The following SPDYE18 variants were observed in gnomAD, a reference collection of about 807,000 sequenced individuals.
The protein encoded by SPDYE18 is speedy protein E18.
SPDYE18 carries 6 observed loss-of-function variants against 44.9 expected under a neutral mutation model. The observed-to-expected ratio is 0.13, with a 90% CI of 0.07 to 0.26. The LOEUF is 0.26. Ranked by LOEUF, SPDYE18 falls within the 10% of genes least tolerant of loss-of-function variation. The pLI, the probability that SPDYE18 is intolerant of heterozygous loss-of-function variation, is 1.00. For missense variants in SPDYE18, 121 were observed against 463.2 expected (o/e 0.26, Z 6.78); for synonymous variants, 35 against 177.1 (o/e 0.20, Z 6.37).
intron 7 of SPDYE18, 37 bp from the exon 8 acceptor site, chr7:77,052,874 C>T (rs201714474): frequency 0.17 from 263,255 of 1,585,566 alleles, 4,308 homozygotes; most frequent in East Asian, 0.34. Flanking sequence ...GACGGGGACT[C>T]GCCAGGATAC....
chr7:77,061,776 A>T (rs180748735), intron 1 of SPDYE18, among the ~76,000 whole-genome samples: 18,772 of 135,440 alleles, frequency 0.14, 1,507 homozygotes, highest in South Asian at 0.28. Context: ...GTGTCAAAAA[A>T]TTTTTTTTTG....
rs1790015632 is a variant in SPDYE18, at chr7:77,061,098, CT to C, written c.-421-166del. ...TCATGTACAAGAGATCCCAGGAATACTGACTTGATGAAAAAGTCACATCAGA... is the reference window on the plus strand; with the variant it reads ...TCATGTACAAGAGATCCCAGGAATACGACTTGATGAAAAAGTCACATCAGA... On this transcript the variant is annotated intron_variant, in intron 1 of 8. Transcript: ENST00000510091. Among the ~76,000 whole-genome samples, 2 of 101,106 alleles carry C rather than the reference CT, an allele frequency of 2.0e-5. 1 individual carries two copies. Among genetic ancestry groups the C allele is most frequent in the Non-Finnish European group, 3.8e-5 (2 of 53,194 alleles). 66.3% of individuals were successfully genotyped at this position (101,106 alleles called of 152,430 possible).
rs1294324165 is a variant in SPDYE18 at position 77,050,990 on chromosome 7, T to C, written c.*935A>G. ...TGTTTTTCAAAATAAACCAATAAAT[T>C]AGATAGTATGTATTAGACGTGTTAG... On this transcript the variant is annotated 3_prime_UTR_variant, in exon 9 of 9. Coordinates refer to ENST00000510091, the MANE Select transcript of SPDYE18 (RefSeq NM_001394953.1). 4.6e-5 allele frequency among the ~76,000 whole-genome samples: 7 copies of C among 151,624 alleles called. No individual in the cohort carries two copies. The highest frequency in any genetic ancestry group is 1.0e-4 in the Non-Finnish European group (7 of 67,904).
In SPDYE18 at chr7:77,060,287, G is replaced by A. The variant is rs574938096; in HGVS notation, c.160+66C>T. 540 of 1,530,956 alleles carry A rather than the reference G, an allele frequency of 3.5e-4. 6 individuals carry two copies. The South Asian group carries it at 5.0e-3, about 14-fold the overall frequency. The allele number at this position is 1,530,956 out of a possible 1,614,324, so 94.8% of individuals were successfully genotyped here. ...GCTGGGGTTACAGGCGTGAGCCACCGCACCCGGCCCCCTTCCTTCGTCTTA... is the reference window on the plus strand; with the variant it reads ...GCTGGGGTTACAGGCGTGAGCCACCACACCCGGCCCCCTTCCTTCGTCTTA... On this transcript the variant is annotated intron_variant, in intron 2 of 8. Transcript: ENST00000510091.
intron 3 of SPDYE18, among the ~76,000 whole-genome samples, chr7:77,058,952 C>T (rs1209968490): frequency 2.0e-5 from 3 of 152,050 alleles, no homozygotes; most frequent in Admixed American, 2.0e-4. Context: ...GCCACTGCAC[C>T]TAGCCCGAAA....
rs1418586317 is a variant in SPDYE18, at chr7:77,060,656, C to CAGGAA, written c.-149_-145dup. The stretch of plus-strand genomic sequence containing the variant: ...CACCACGGAGTCCGGTCCCTCCAAT[C>CAGGAA]AGGAAGGTCGGAATCTCTGATGTCA... On this transcript the variant is annotated 5_prime_UTR_variant, in exon 2 of 9. It introduces an in-frame stop codon into an upstream open reading frame of the 5' UTR. Coordinates refer to ENST00000510091, the MANE Select transcript of SPDYE18 (RefSeq NM_001394953.1). 1 of 1,461,278 alleles carries CAGGAA rather than the reference C, an allele frequency of 6.8e-7. No homozygotes were observed. Among genetic ancestry groups the CAGGAA allele is most frequent in the Non-Finnish European group, 9.0e-7 (1 of 1,110,998 alleles). 90.5% of individuals were successfully genotyped at this position (1,461,278 alleles called of 1,614,324 possible).
chr7:77,061,269 C>A (rs1377002902), intron 1 of SPDYE18, among the ~76,000 whole-genome samples: 2 of 127,674 alleles, frequency 1.6e-5, no homozygotes, highest in Non-Finnish European at 3.2e-5. Context: ...TAGGAAACTG[C>A]CCCTGAGCTC....
chr7:77,054,155 G>A (rs1374967940), intron 6 of SPDYE18, among the ~76,000 whole-genome samples: 2 of 152,002 alleles, frequency 1.3e-5, no homozygotes, highest in Non-Finnish European at 2.9e-5. Flanking sequence ...GCATGCAGAA[G>A]TTGGAAGATG....
chr7:77,058,501 CTTTTT>C (rs1158671945), intron 3 of SPDYE18, among the ~76,000 whole-genome samples: 9 of 56,096 alleles, frequency 1.6e-4, no homozygotes, highest in East Asian at 6.4e-4. Flanking sequence ...TTCCTTCCTT[CTTTTT>C]TTTTTTTTTT....
Position 77,051,543 on chromosome 7 carries a change from C to T in SPDYE18, c.*382G>A, listed in dbSNP as rs1789797551. On this transcript the variant is annotated 3_prime_UTR_variant, in exon 9 of 9. Coordinates refer to ENST00000510091, the MANE Select transcript of SPDYE18 (RefSeq NM_001394953.1). ...GCCTTCAAATGCTCCTGGACTGTGGCAACCAAGTCTGTAAGAAACAGGACC... is the reference window on the plus strand; with the variant it reads ...GCCTTCAAATGCTCCTGGACTGTGGTAACCAAGTCTGTAAGAAACAGGACC... Among the ~76,000 whole-genome samples, 1 of 152,272 alleles carries T rather than the reference C, an allele frequency of 6.6e-6. No homozygotes were observed. The highest frequency in any genetic ancestry group is 2.4e-5 in the African/African-American group (1 of 41,486).
At chr7:77,053,275 G>C in intron 6 of SPDYE18, 72 bp from the exon 7 acceptor site, 1 of 1,593,632 alleles carries the variant, frequency 6.3e-7, no homozygotes, top group Non-Finnish European at 8.5e-7. Flanking sequence ...CAGCTTCCCA[G>C]AGAGGAAGGT....
chr7:77,051,004 T>G lies in SPDYE18; in HGVS notation c.*921A>C, dbSNP rs1789780186. Among the ~76,000 whole-genome samples the G allele has an allele frequency of 6.6e-6, 1 of 151,720 alleles. No individual in the cohort carries two copies. The highest frequency in any genetic ancestry group is 1.5e-5 in the Non-Finnish European group (1 of 67,932). ...AACCAATAAATTAGATAGTATGTAT[T>G]AGACGTGTTAGTATATATATCTGAG... On this transcript the variant is annotated 3_prime_UTR_variant, in exon 9 of 9. Transcript: ENST00000510091.
intron 6 of SPDYE18, among the ~76,000 whole-genome samples, chr7:77,054,313 C>T (rs1432829156): frequency 6.7e-6 from 1 of 148,560 alleles, no homozygotes; most frequent in African/African-American, 2.5e-5. Flanking sequence ...GAAGCCGAGC[C>T]AGGAAATACC....
intron 2 of SPDYE18, among the ~76,000 whole-genome samples, chr7:77,060,011 C>T (rs1312086892): frequency 7.2e-6 from 1 of 138,910 alleles, no homozygotes; most frequent in African/African-American, 2.8e-5. Context: ...GCTGACCCTT[C>T]TTTTCTTTTT....
chr7:77,050,630 A>G lies in SPDYE18; in HGVS notation c.*1295T>C, dbSNP rs1461379788. Among the ~76,000 whole-genome samples, 1 of 152,144 alleles carries G rather than the reference A, an allele frequency of 6.6e-6. No individual in the cohort carries two copies. Among genetic ancestry groups the G allele is most frequent in the African/African-American group, 2.4e-5 (1 of 41,484 alleles). On this transcript the variant is annotated 3_prime_UTR_variant, in exon 9 of 9. Transcript: ENST00000510091. ...TACAAGAATTTAGGGGAACTACTAC[A>G]TAGCTATAAATGTAATATATATGTT...
rs1225474339 is a variant in SPDYE18 at position 77,050,586 on chromosome 7, T to G, written c.*1339A>C. 1.3e-5 allele frequency among the ~76,000 whole-genome samples: 2 copies of G among 152,304 alleles called. No homozygotes were observed. Among genetic ancestry groups the G allele is most frequent in the Admixed American group, 6.5e-5 (1 of 15,290 alleles). ...TCACATTTCAAACATATATGAAATA[T>G]CAAATAAAAATTTATTTTTACAAGA... On this transcript the variant is annotated 3_prime_UTR_variant, in exon 9 of 9. Transcript: ENST00000510091.
intron 1 of SPDYE18, among the ~76,000 whole-genome samples, chr7:77,062,193 T>C (rs1790029805): frequency 7.0e-6 from 1 of 142,094 alleles, no homozygotes; most frequent in South Asian, 2.5e-4. Context: ...TTCCTAGGAG[T>C]CTCTCGCTCA....
rs1353165611 is a variant in SPDYE18 at position 77,060,286 on chromosome 7, C to T, written c.160+67G>A. 1.1e-4 allele frequency: 165 copies of T among 1,530,874 alleles called. 2 individuals are homozygous for T. The highest frequency in any genetic ancestry group is 4.9e-4 in the Admixed American group (25 of 50,786). 94.8% of individuals were successfully genotyped at this position (1,530,874 alleles called of 1,614,324 possible). A position where few individuals can be genotyped will look rare whatever the true frequency, so the allele number is the denominator to read the frequency against. ...TGCTGGGGTTACAGGCGTGAGCCAC[C>T]GCACCCGGCCCCCTTCCTTCGTCTT... On this transcript the variant is annotated intron_variant, in intron 2 of 8. Transcript: ENST00000510091.
chr7:77,053,505 C>T (rs1313968341), intron 6 of SPDYE18, among the ~76,000 whole-genome samples: 1 of 152,242 alleles, frequency 6.6e-6, no homozygotes, highest in African/African-American at 2.4e-5. Context: ...GAGTTTGAGA[C>T]GGGCCTGGGC....
Sources: allele counts gnomAD v4.1 joint callset (sites outside exome capture counted in the v4.1 genomes callset), GRCh38; gene constraint gnomAD v4.1.1; transcripts MANE v1.5; gene names NCBI Gene and HGNC (gene_info 2026-07-23, HGNC 2026-07-21).